Variants in STYXL2 observed in about 807,000 individuals in gnomAD.
The protein encoded by STYXL2 is serine/threonine/tyrosine interacting like 2, also known as serine/threonine/tyrosine-interacting-like protein 2.
Under a neutral mutation model 52.4 loss-of-function variants are expected in STYXL2, and 44 were observed. The ratio of observed to expected loss-of-function variants is 0.84; its 90% CI spans 0.66 to 1.08. STYXL2 has a LOEUF of 1.08. Among genes scored for constraint, STYXL2 ranks in the 50% least tolerant of loss-of-function variants. The probability of loss-of-function intolerance (pLI) is 0.00; values close to 1 mark genes in which losing one functional copy is unlikely to be tolerated. For missense variants in STYXL2, 1,604 were observed against 1,471.7 expected (o/e 1.09, Z -1.47); for synonymous variants, 604 against 586.9 (o/e 1.03, Z -0.42).
Position 167,128,014 on chromosome 1 carries a change from G to A in STYXL2, c.2883G>A (p.Lys961=), listed in dbSNP as rs780968318. The A allele has an allele frequency of 6.2e-7, 1 of 1,614,212 alleles. No homozygotes were observed. The highest frequency in any genetic ancestry group is 1.1e-5 in the South Asian group (1 of 91,074). ...ACTGGTCTGGAAGTTCCAGAGGGAA[G>A]TACACCAGATCGTCCCTGCTCAGGG... ...QSDWSGSSRG[K]YTRSSLLRET... is the part of the protein sequence containing the mutation. The change falls in exon 6 of 6, where the codon AAG becomes AAA. Residue 961 remains lysine (K), a synonymous_variant. Coordinates refer to ENST00000361200, the MANE Select transcript of STYXL2 (RefSeq NM_001080426.3).
At chr1:167,111,507 T>C (rs1280969168) in intron 2 of STYXL2, among the ~76,000 whole-genome samples, 4 of 49,944 alleles carry the variant, frequency 8.0e-5, no homozygotes, top group African/African-American at 4.8e-4. Flanking sequence ...TATATATATA[T>C]ATATATACAC....
At chr1:167,098,661 T>C (rs2102220671) in intron 2 of STYXL2, among the ~76,000 whole-genome samples, 1 of 152,228 alleles carries the variant, frequency 6.6e-6, no homozygotes, top group East Asian at 1.9e-4. Flanking sequence ...ATGTCCAAGG[T>C]CTCAGCTAGA....
intron 5 of STYXL2, among the ~76,000 whole-genome samples, chr1:167,123,677 G>T (rs188872694): frequency 1.3e-5 from 2 of 152,320 alleles, no homozygotes; most frequent in African/African-American, 4.8e-5. Context: ...AGGTTGGAGT[G>T]CACTGGTATG....
chr1:167,096,289 G>T lies in STYXL2; in HGVS notation c.110+1330G>T, dbSNP rs572610022. ...AAAGAAAAGAAAATTCAGCATTATG[G>T]TCCCACTTAGGAAAACTCTCAGGAT... is the stretch of plus-strand genomic sequence containing the variant. On this transcript the variant is annotated intron_variant, in intron 2 of 5. Transcript: ENST00000361200. Among the ~76,000 whole-genome samples, 4 of 152,122 alleles carry T rather than the reference G, an allele frequency of 2.6e-5. 1 individual carries two copies. The East Asian group carries it at 7.7e-4, about 29-fold the overall frequency.
intron 2 of STYXL2, among the ~76,000 whole-genome samples, chr1:167,108,639 TG>T (rs11317759): frequency 0.34 from 52,082 of 151,856 alleles, 10,436 homozygotes; most frequent in East Asian, 0.73. Context: ...ATTAGAGTTA[TG>T]GGGGGGAAAA....
chr1:167,112,604 C>T (rs1210338260), intron 2 of STYXL2, among the ~76,000 whole-genome samples: 4 of 152,150 alleles, frequency 2.6e-5, no homozygotes, highest in East Asian at 1.9e-4. Context: ...CCAACCAATC[C>T]ACCTCCCTGT....
intron 2 of STYXL2, among the ~76,000 whole-genome samples, chr1:167,097,699 A>G (rs965932157): frequency 1.3e-5 from 2 of 152,058 alleles, no homozygotes; most frequent in African/African-American, 4.8e-5. Context: ...TTAAAAAAAA[A>G]AGAAAGAAAA....
intron 2 of STYXL2, among the ~76,000 whole-genome samples, chr1:167,109,178 G>A (rs1202504277): frequency 6.6e-6 from 1 of 152,174 alleles, no homozygotes; most frequent in African/African-American, 2.4e-5. Context: ...ATGGGGATGG[G>A]GGAATGGCAA....
rs746335429 is a variant in STYXL2 at position 167,117,527 on chromosome 1, T to G, written c.405T>G (p.Asp135Glu). The change falls in exon 4 of 6, where the codon GAT (aspartate) becomes GAG (glutamate). Residue 135 changes from aspartate to glutamate, a missense_variant. By Grantham distance (45) the Asp-to-Glu change is conservative. Transcript: ENST00000361200. ...AAGAGGCGCCCTGGAATGAGGTGGATGAGGTCTGGCCCAATGTCTTCATAG... is the reference window on the plus strand; with the variant it reads ...AAGAGGCGCCCTGGAATGAGGTGGAGGAGGTCTGGCCCAATGTCTTCATAG... The part of the protein sequence containing the change: ...DRQEAPWNEV[D>E]EVWPNVFIAE... 6.2e-7 allele frequency: 1 copy of G among 1,607,726 alleles called. No homozygotes were observed. The highest frequency in any genetic ancestry group is 8.5e-7 in the Non-Finnish European group (1 of 1,176,988).
intron 3 of STYXL2, among the ~76,000 whole-genome samples, chr1:167,114,895 T>C (rs544423872): frequency 6.6e-6 from 1 of 152,306 alleles, no homozygotes; most frequent in African/African-American, 2.4e-5. Flanking sequence ...CCAGCACCAC[T>C]ATAGCTCTAG....
intron 2 of STYXL2, among the ~76,000 whole-genome samples, chr1:167,111,513 T>TATATATATATACATACAC (rs1211215448): frequency 2.0e-5 from 1 of 50,124 alleles, no homozygotes; most frequent in Non-Finnish European, 3.2e-5. Flanking sequence ...TATATATATA[T>TATATATATATACATACAC]ACACACACAC....
chr1:167,099,223 C>A (rs777831213), intron 2 of STYXL2, among the ~76,000 whole-genome samples: 1 of 152,174 alleles, frequency 6.6e-6, no homozygotes, highest in African/African-American at 2.4e-5. Flanking sequence ...CAATCTCCCT[C>A]AACTGTATGT....
Position 167,126,784 on chromosome 1 carries a change from A to C in STYXL2, c.1653A>C (p.Arg551Ser), listed in dbSNP as rs1214020721. Reference protein sequence around the residue: ...LTALERWKIKRIQFGFHKKDL... With the variant: ...LTALERWKIKSIQFGFHKKDL... ...CCCTGGAAAGATGGAAGATCAAGAGAATCCAATTTGGATTTCACAAGAAAG... is the reference window on the plus strand; with the variant it reads ...CCCTGGAAAGATGGAAGATCAAGAGCATCCAATTTGGATTTCACAAGAAAG... The change falls in exon 6 of 6, where the codon AGA becomes AGC. Residue 551 changes from arginine (R) to serine (S), a missense_variant. Physicochemically the swap from Arg to Ser is moderately radical, Grantham distance 110. Transcript: ENST00000361200. The C allele has an allele frequency of 1.2e-6, 2 of 1,614,180 alleles. No individual in the cohort carries two copies. The highest frequency in any genetic ancestry group is 1.7e-6 in the Non-Finnish European group (2 of 1,180,028).
chr1:167,106,717 G>A (rs1667512005), intron 2 of STYXL2, among the ~76,000 whole-genome samples: 3 of 152,060 alleles, frequency 2.0e-5, no homozygotes, highest in African/African-American at 7.3e-5. Flanking sequence ...TGAACCCTTG[G>A]AGCTCAGAAT....
chr1:167,128,533 T>A lies in STYXL2; in HGVS notation c.3402T>A (p.Asp1134Glu), dbSNP rs143741846. Residue 1134 changes from aspartate to glutamate, a missense_variant, in exon 6 of 6, where the codon GAT (aspartate) becomes GAA (glutamate). Asp to Glu is a conservative substitution (Grantham distance 45). Transcript: ENST00000361200. ...GGGAGGAAGAGGAAGAAATGGACGA[T>A]GAAGCCATCATTGCTGCTTGGAGAC... ...TDREEEEEMDDEAIIAAWRRR... is the reference protein window; with the variant it reads ...TDREEEEEMDEEAIIAAWRRR... 1.2e-6 allele frequency: 2 copies of A among 1,613,754 alleles called. No individual in the cohort carries two copies. The highest frequency in any genetic ancestry group is 1.3e-5 in the African/African-American group (1 of 74,866).
chr1:167,108,780 C>T (rs895603535), intron 2 of STYXL2, among the ~76,000 whole-genome samples: 1 of 152,058 alleles, frequency 6.6e-6, no homozygotes, highest in Non-Finnish European at 1.5e-5. Context: ...TGAAACAATT[C>T]ACAGACCCTT....
chr1:167,127,124 G>A lies in STYXL2; in HGVS notation c.1993G>A (p.Ala665Thr). The change falls in exon 6 of 6, where the codon GCA becomes ACA. Residue 665 changes from alanine to threonine, a missense_variant. Transcript: ENST00000361200. ...CATTCCCCTGTCTGCGTTCTGGTCT[G>A]CAGACCCCTCAGTCAGCGCTGATGG... ...GSIPLSAFWSADPSVSADGDT... is the reference protein window; with the variant it reads ...GSIPLSAFWSTDPSVSADGDT... The A allele has an allele frequency of 6.2e-7, 1 of 1,614,068 alleles. No individual in the cohort carries two copies. The highest frequency in any genetic ancestry group is 1.3e-5 in the African/African-American group (1 of 75,038).
In STYXL2 at chr1:167,094,979, C is replaced by T. The variant is rs745992270; in HGVS notation, c.110+20C>T. The T allele has an allele frequency of 3.8e-6, 6 of 1,565,186 alleles. No individual in the cohort carries two copies. In the Admixed American group the frequency reaches 9.1e-5, roughly 24 times the overall value. ...TAGCCAGTAAGTGACCACTTATCTC[C>T]CACCCTCACAGCCCCAGCTGGGAGG... On this transcript the variant is annotated intron_variant, in intron 2 of 5. Transcript: ENST00000361200.
chr1:167,104,033 T>G (rs1010581219), intron 2 of STYXL2, among the ~76,000 whole-genome samples: 28 of 152,090 alleles, frequency 1.8e-4, no homozygotes, highest in African/African-American at 6.0e-4. Context: ...GACAGGTGAA[T>G]GGCATGAATC....
Sources: allele counts gnomAD v4.1 joint callset (sites outside exome capture counted in the v4.1 genomes callset), GRCh38; gene constraint gnomAD v4.1.1; transcripts MANE v1.5; gene names NCBI Gene and HGNC (gene_info 2026-07-23, HGNC 2026-07-21).